The following VCAN variants were observed in gnomAD, a reference collection of about 807,000 sequenced individuals.
VCAN encodes versican.
In VCAN, 44 loss-of-function variants were observed where a neutral mutation model predicts 245.5. The observed-to-expected ratio is 0.18, with a 90% confidence interval of 0.14 to 0.23. VCAN has a LOEUF of 0.23. Among genes scored for constraint, VCAN ranks in the 10% least tolerant of loss-of-function variants. VCAN has a pLI of 1.00. For synonymous variants in VCAN, 1,413 were observed against 1,437.0 expected (o/e 0.98, Z 0.38); for missense variants, 3,793 against 4,057.9 (o/e 0.93, Z 1.77).
chr5:83,577,388 C>G (rs958986557), intron 13 of VCAN, among the ~76,000 whole-genome samples: 1 of 152,134 alleles, frequency 6.6e-6, no homozygotes, highest in African/African-American at 2.4e-5. Context: ...TTTTGTAAAT[C>G]GTAGCCAATG....
In VCAN at chr5:83,541,093, G is replaced by C. The variant is rs61733389; in HGVS notation, c.8090G>C (p.Arg2697Pro). The change falls in exon 8 of 15, where the codon CGT becomes CCT. Residue 2697 changes from arginine (R) to proline (P), a missense_variant. Physicochemically the swap from Arg to Pro is moderately radical, Grantham distance 103. This residue lies in a region of VCAN where 3,182 missense variants were observed against 3,250.3 expected (regional missense o/e 0.98). Transcript: ENST00000265077. ...LPTATSLPIP[R>P]KSATVIPEIE... ...ACGGCAACATCCCTGCCAATTCCTCGTAAGTCTGCCACAGTTATTCCAGAG... is the reference window on the plus strand; with the variant it reads ...ACGGCAACATCCCTGCCAATTCCTCCTAAGTCTGCCACAGTTATTCCAGAG... 1.2e-6 allele frequency: 2 copies of C among 1,613,968 alleles called. No individual in the cohort carries two copies. The highest frequency in any genetic ancestry group is 2.2e-5 in the East Asian group (1 of 44,862).
chr5:83,556,645 C>T (rs1580064532), intron 12 of VCAN, among the ~76,000 whole-genome samples: 1 of 152,040 alleles, frequency 6.6e-6, no homozygotes, highest in African/African-American at 2.4e-5. Context: ...ATTGTTGCCT[C>T]TTTATGTTTT....
chr5:83,579,233 TTTTG>T (rs558445739), intron 13 of VCAN, among the ~76,000 whole-genome samples: 1,771 of 143,942 alleles, frequency 0.012, 35 homozygotes, highest in African/African-American at 0.041. Context: ...TTGTAAGGTT[TTTTG>T]TTTGTTTGTT....
At chr5:83,498,446 A>G (rs1230662923) in intron 5 of VCAN, among the ~76,000 whole-genome samples, 1 of 152,204 alleles carries the variant, frequency 6.6e-6, no homozygotes, top group East Asian at 1.9e-4. Context: ...CTAAACCATT[A>G]ATGCCTCCCT....
intron 12 of VCAN, among the ~76,000 whole-genome samples, chr5:83,560,445 A>T (rs1490500712): frequency 6.6e-6 from 1 of 152,160 alleles, no homozygotes; most frequent in Non-Finnish European, 1.5e-5. Context: ...GCTTTGGCTA[A>T]GGGTGATTTG....
At chr5:83,498,785 C>T (rs1745242876) in intron 5 of VCAN, among the ~76,000 whole-genome samples, 1 of 152,170 alleles carries the variant, frequency 6.6e-6, no homozygotes, top group Non-Finnish European at 1.5e-5. Context: ...TTGGTTGTCA[C>T]AAATAGTCCC....
intron 9 of VCAN, among the ~76,000 whole-genome samples, chr5:83,547,325 T>A (rs1281912246): frequency 6.6e-6 from 1 of 152,144 alleles, no homozygotes; most frequent in Non-Finnish European, 1.5e-5. Context: ...TTCAGTAGAT[T>A]TGGGGTGGAA....
At chr5:83,530,949 A>G (rs17348129) in intron 7 of VCAN, among the ~76,000 whole-genome samples, 21,305 of 152,046 alleles carry the variant, frequency 0.14, 1,686 homozygotes, top group South Asian at 0.18. Flanking sequence ...CAGTATTTAG[A>G]CTTTTTGAGT....
chr5:83,526,465 G>A (rs369056335), intron 7 of VCAN, among the ~76,000 whole-genome samples: 1 of 151,886 alleles, frequency 6.6e-6, no homozygotes, highest in African/African-American at 2.4e-5. Flanking sequence ...AATGTTTGAG[G>A]GGGACATCGA....
Position 83,519,614 on chromosome 5 carries a change from G to A in VCAN, c.1308G>A (p.Met436Ile), listed in dbSNP as rs761138116. The A allele has an allele frequency of 3.7e-6, 6 of 1,614,112 alleles. No individual in the cohort carries two copies. Among genetic ancestry groups the A allele is most frequent in the Non-Finnish European group, 5.1e-6 (6 of 1,179,978 alleles). ...GCAGTACCAAGAAGCCCTGGGATAT[G>A]GATGACTACTCACCTTCTGCTTCAG... ...PTGSTKKPWDMDDYSPSASGP... is the reference protein window; with the variant it reads ...PTGSTKKPWDIDDYSPSASGP... Residue 436 changes from methionine to isoleucine, a missense_variant, in exon 7 of 15, where the codon ATG (methionine) becomes ATA (isoleucine). Transcript: ENST00000265077.
Position 83,483,604 on chromosome 5 carries a change from A to G in VCAN, c.70+16A>G. 6.2e-7 allele frequency: 1 copy of G among 1,610,192 alleles called. No homozygotes were observed. ...CTACATAAAGGTGAGTGTGCTAACA[A>G]TTTCTTTGGTGTTAATTGAAATAAA... On this transcript the variant is annotated intron_variant, in intron 2 of 14. Coordinates refer to ENST00000265077, the MANE Select transcript of VCAN (RefSeq NM_004385.5).
At chr5:83,536,275 C>T (rs1242943236) in intron 7 of VCAN, 1 of 152,170 alleles carries the variant, frequency 6.6e-6, no homozygotes, top group African/African-American at 2.4e-5. Flanking sequence ...GTGGAAGGCT[C>T]TTTCTGGTCC....
At chr5:83,576,313 A>T (rs1420346587) in intron 13 of VCAN, among the ~76,000 whole-genome samples, 1 of 152,150 alleles carries the variant, frequency 6.6e-6, no homozygotes, top group Non-Finnish European at 1.5e-5. Context: ...AATAAGTGGG[A>T]TCATACTGTA....
Position 83,519,693 on chromosome 5 carries a change from A to G in VCAN, c.1387A>G (p.Thr463Ala). ...AATTAAGGAAGAAGTGCTCCAGAGT[A>G]CAACTGGCGTCTCTCATTATGCTAC... ...SEIKEEVLQS[T>A]TGVSHYATDS... The change falls in exon 7 of 15, where the codon ACA (threonine) becomes GCA (alanine). Residue 463 changes from threonine (T) to alanine (A), a missense_variant. By Grantham distance (58) the Thr-to-Ala change is moderately conservative. This residue lies in a region of VCAN where 3,182 missense variants were observed against 3,250.3 expected (regional missense o/e 0.98). Coordinates refer to ENST00000265077, the MANE Select transcript of VCAN (RefSeq NM_004385.5). The G allele has an allele frequency of 6.2e-7, 1 of 1,614,200 alleles. No homozygotes were observed. The highest frequency in any genetic ancestry group is 8.5e-7 in the Non-Finnish European group (1 of 1,179,998).
chr5:83,558,838 T>A (rs980546848), intron 12 of VCAN, among the ~76,000 whole-genome samples: 1 of 152,182 alleles, frequency 6.6e-6, no homozygotes, highest in African/African-American at 2.4e-5. Context: ...GTTATATTTT[T>A]AAAATCTATT....
At chr5:83,509,317 C>G (rs1745581911) in intron 5 of VCAN, among the ~76,000 whole-genome samples, 1 of 152,206 alleles carries the variant, frequency 6.6e-6, no homozygotes, top group African/African-American at 2.4e-5. Flanking sequence ...TTAACTACTA[C>G]TAAGAGAATT....
chr5:83,520,629 G>C lies in VCAN; in HGVS notation c.2323G>C (p.Gly775Arg). 1 of 1,613,954 alleles carries C rather than the reference G, an allele frequency of 6.2e-7. No homozygotes were observed. Residue 775 changes from glycine (G) to arginine (R), a missense_variant, in exon 7 of 15, where the codon GGT becomes CGT. This residue lies in a region of VCAN where 3,182 missense variants were observed against 3,250.3 expected (regional missense o/e 0.98). Coordinates refer to ENST00000265077, the MANE Select transcript of VCAN (RefSeq NM_004385.5). The stretch of plus-strand genomic sequence containing the variant: ...GGAGGAAGACTTTACAGCAACTCCA[G>C]GTACTACAAAATATGATGAAAATAT... ...DMEEDFTATPGTTKYDENITT... is the reference protein window; with the variant it reads ...DMEEDFTATPRTTKYDENITT...
At position 83,539,632 on chromosome 5, in the gene VCAN, C is replaced by T. The variant is rs1219604549; in HGVS notation, c.6629C>T (p.Ala2210Val). Reference sequence around the variant, plus strand: ...AAGTCACATTTTTTCTTAGCTACTGCATTAGTAACTGAATCTATACCAGCT... The same window carrying T: ...AAGTCACATTTTTTCTTAGCTACTGTATTAGTAACTGAATCTATACCAGCT... ...TEKSHFFLAT[A>V]LVTESIPAEH... Residue 2210 changes from alanine (A) to valine (V), a missense_variant, in exon 8 of 15, where the codon GCA becomes GTA. Ala to Val is a moderately conservative substitution (Grantham distance 64, BLOSUM62 0). Around this residue, in one of 5 missense-constraint regions of VCAN, gnomAD observed 3,182 missense variants for 3,250.3 expected, o/e 0.98. Coordinates refer to ENST00000265077, the MANE Select transcript of VCAN (RefSeq NM_004385.5). 3 of 1,613,932 alleles carry T rather than the reference C, an allele frequency of 1.9e-6. No homozygotes were observed. The highest frequency in any genetic ancestry group is 1.3e-5 in the African/African-American group (1 of 74,936).
At chr5:83,513,679 T>A (rs146001647) in intron 6 of VCAN, among the ~76,000 whole-genome samples, 1 of 152,328 alleles carries the variant, frequency 6.6e-6, no homozygotes, top group East Asian at 1.9e-4. Flanking sequence ...AATTCTTCCT[T>A]AATCATTTTC....
Sources: gnomAD v4.1 joint callset for allele counts (sites outside exome capture counted in the v4.1 genomes callset) on GRCh38, gnomAD v4.1.1 for gene constraint, gnomAD v4.1.1 regional missense constraint, MANE v1.5 for transcripts, NCBI Gene and HGNC (gene_info 2026-07-23, HGNC 2026-07-21) for gene names.